Variants in CCNY observed in about 807,000 individuals in gnomAD.
CCNY encodes cyclin Y.
A neutral mutation model predicts 42.8 loss-of-function variants in CCNY; 19 were observed. That is an observed-to-expected ratio of 0.44 (90% CI 0.31 to 0.65). CCNY has a LOEUF of 0.65. Ranked by LOEUF, CCNY falls within the 30% of genes least tolerant of loss-of-function variation. The pLI is 0.07. For missense variants in CCNY, 370 were observed against 437.3 expected, an observed-to-expected ratio of 0.85 and a Z score of 1.37; for synonymous variants, 165 against 162.7, an observed-to-expected ratio of 1.01 and a Z score of -0.11.
chr10:35,507,381 A>G (rs1840236643), intron 3 of CCNY, among the ~76,000 whole-genome samples: 1 of 152,198 alleles, frequency 6.6e-6, no homozygotes, highest in Admixed American at 6.5e-5. Context: ...CCCTTTAGCC[A>G]GATTCATCAG....
chr10:35,483,912 T>TA (rs1171958303), intron 2 of CCNY, among the ~76,000 whole-genome samples: 1 of 152,206 alleles, frequency 6.6e-6, no homozygotes, highest in Non-Finnish European at 1.5e-5. Context: ...GAACCCATAC[T>TA]GTAGGTGCAG....
intron 3 of CCNY, among the ~76,000 whole-genome samples, chr10:35,256,847 A>G (rs886492525): frequency 6.6e-6 from 1 of 152,148 alleles, no homozygotes; most frequent in African/African-American, 2.4e-5. Flanking sequence ...GCCCCAAGCC[A>G]TAAACTAATA....
intron 3 of CCNY, among the ~76,000 whole-genome samples, chr10:35,322,468 CA>C (rs907933922): frequency 8.7e-5 from 13 of 149,724 alleles, no homozygotes; most frequent in African/African-American, 2.7e-4. Flanking sequence ...CACAAAAAAA[CA>C]AAAAAAGACA....
At chr10:35,475,759 T>C (rs988555347) in intron 1 of CCNY, among the ~76,000 whole-genome samples, 1 of 150,772 alleles carries the variant, frequency 6.6e-6, no homozygotes, top group Non-Finnish European at 1.5e-5. Context: ...GCTAACATCA[T>C]AATGACAGGA....
intron 1 of CCNY, among the ~76,000 whole-genome samples, chr10:35,446,309 A>G (rs890258834): frequency 6.6e-6 from 1 of 152,214 alleles, no homozygotes; most frequent in Admixed American, 6.5e-5. Flanking sequence ...AGGTTCAAAA[A>G]TCTCTTCAAA....
intron 1 of CCNY, among the ~76,000 whole-genome samples, chr10:35,444,701 T>C (rs1838753331): frequency 6.6e-6 from 1 of 152,270 alleles, no homozygotes; most frequent in South Asian, 2.1e-4. Context: ...TGATGCAGTC[T>C]GTTGACCAAA....
At chr10:35,260,121 GCTCTCTTTT>G (rs1400563970) in intron 3 of CCNY, among the ~76,000 whole-genome samples, 21 of 151,918 alleles carry the variant, frequency 1.4e-4, no homozygotes, top group Admixed American at 6.6e-4. Context: ...CTTTTCCGGT[GCTCTCTTTT>G]CTCTCTTTTC....
At chr10:35,307,796 GTGTGTATA>G (rs1389631177) in intron 3 of CCNY, among the ~76,000 whole-genome samples, 16 of 62,264 alleles carry the variant, frequency 2.6e-4, no homozygotes, top group African/African-American at 1.2e-3. Flanking sequence ...GTGTGTGTGT[GTGTGTATA>G]TATATATATA....
At chr10:35,426,120 CACA>C (rs1838264611) in intron 1 of CCNY, among the ~76,000 whole-genome samples, 1 of 124,762 alleles carries the variant, frequency 8.0e-6, no homozygotes, top group African/African-American at 4.0e-5. Flanking sequence ...CGCACACACA[CACA>C]CACACACACA....
At chr10:35,403,868 TG>T (rs1313164238) in intron 1 of CCNY, among the ~76,000 whole-genome samples, 1 of 152,194 alleles carries the variant, frequency 6.6e-6, no homozygotes, top group African/African-American at 2.4e-5. Flanking sequence ...TTAGGCCTGG[TG>T]GAACTGCCAT....
intron 2 of CCNY, among the ~76,000 whole-genome samples, chr10:35,497,339 C>T (rs1840022298): frequency 6.6e-6 from 1 of 152,212 alleles, no homozygotes; most frequent in East Asian, 1.9e-4. Flanking sequence ...TTTTGAATTT[C>T]AGAGCTGTAC....
chr10:35,347,284 C>T (rs566389491), intron 1 of CCNY: 1 of 183,608 alleles, frequency 5.4e-6, no homozygotes, highest in Non-Finnish European at 1.0e-5. Flanking sequence ...GAGAGAAATA[C>T]AGCTGGGCAC....
intron 1 of CCNY, among the ~76,000 whole-genome samples, chr10:35,404,503 G>A (rs1035706769): frequency 1.3e-5 from 2 of 152,078 alleles, no homozygotes; most frequent in Non-Finnish European, 1.5e-5. Context: ...TAGGATGGCC[G>A]TCAATACCCA....
intron 3 of CCNY, among the ~76,000 whole-genome samples, chr10:35,259,495 G>GTTTTTTTTTTT (rs35988898): frequency 3.1e-5 from 2 of 65,146 alleles, no homozygotes; most frequent in African/African-American, 6.9e-5. Context: ...AGTCCTGGTT[G>GTTTTTTTTTTT]TTTTTTTTTT....
At chr10:35,532,909 A>G (rs1840798947) in intron 7 of CCNY, among the ~76,000 whole-genome samples, 1 of 152,368 alleles carries the variant, frequency 6.6e-6, no homozygotes, top group East Asian at 1.9e-4. Context: ...CCAGAGGCCA[A>G]GGCAGAAGGA....
At chr10:35,395,104 G>A (rs1360474392) in intron 1 of CCNY, among the ~76,000 whole-genome samples, 2 of 151,868 alleles carry the variant, frequency 1.3e-5, no homozygotes, top group African/African-American at 4.8e-5. Flanking sequence ...CCTATGTAGT[G>A]TGCTCCCTTA....
intron 3 of CCNY, among the ~76,000 whole-genome samples, chr10:35,284,173 T>C (rs936553855): frequency 2.6e-5 from 4 of 152,210 alleles, no homozygotes; most frequent in Admixed American, 6.5e-5. Context: ...GTGTGTAGTC[T>C]GACAAATGGA....
intron 1 of CCNY, among the ~76,000 whole-genome samples, chr10:35,353,143 TCTG>T (rs1386400478): frequency 2.0e-5 from 3 of 152,292 alleles, no homozygotes; most frequent in Non-Finnish European, 4.4e-5. Flanking sequence ...CTTAGGCTGG[TCTG>T]GAACTCCTGG....
At chr10:35,375,941 C>T (rs1837042349) in intron 1 of CCNY, among the ~76,000 whole-genome samples, 1 of 152,130 alleles carries the variant, frequency 6.6e-6, no homozygotes, top group South Asian at 2.1e-4. Flanking sequence ...TTGAGAGCCC[C>T]AGGCACCAGT....
Sources: gnomAD v4.1 joint callset for allele counts (sites outside exome capture counted in the v4.1 genomes callset) on GRCh38, gnomAD v4.1.1 for gene constraint, MANE v1.5 for transcripts, NCBI Gene and HGNC (gene_info 2026-07-23, HGNC 2026-07-21) for gene names.